The following TBL1XR1 variants were observed in gnomAD, a reference collection of about 807,000 sequenced individuals.
TBL1XR1 encodes the protein TBL1X/Y related 1, also known as F-box-like/WD repeat-containing protein TBL1XR1.
TBL1XR1 carries 5 observed loss-of-function variants against 66.9 expected under a neutral mutation model. That is an observed-to-expected ratio of 0.07 (90% CI 0.04 to 0.16). The LOEUF (loss-of-function observed/expected upper bound fraction) is 0.16. TBL1XR1 is among the 10% of genes least tolerant of loss of function. TBL1XR1 has a pLI of 1.00. For missense variants in TBL1XR1, 238 were observed against 623.2 expected (o/e 0.38, Z 6.58); for synonymous variants, 210 against 206.0 (o/e 1.02, Z -0.17).
At chr3:177,198,947 ATAAGT>A (rs1472951562), upstream of TBL1XR1, among the ~76,000 whole-genome samples, 1 of 151,964 alleles carries the variant, frequency 6.6e-6, no homozygotes, top group Non-Finnish European at 1.5e-5. Flanking sequence ...TGGTGGCCTA[ATAAGT>A]TCAGTAATTA....
chr3:177,181,834 A>AC (rs1485937085), intron 1 of TBL1XR1, among the ~76,000 whole-genome samples: 15 of 118,704 alleles, frequency 1.3e-4, no homozygotes, highest in African/African-American at 1.8e-4. Context: ...AAAAAAAAAA[A>AC]AAACACACAC....
intron 2 of TBL1XR1, among the ~76,000 whole-genome samples, chr3:177,085,861 G>A (rs779620873): frequency 2.4e-4 from 37 of 152,060 alleles, no homozygotes; most frequent in Admixed American, 1.3e-4. Flanking sequence ...AAACTCTCAC[G>A]ATTCACCTCT....
intron 2 of TBL1XR1, among the ~76,000 whole-genome samples, chr3:177,096,971 AGAG>A (rs1299955311): frequency 1.3e-5 from 2 of 152,192 alleles, no homozygotes; most frequent in Admixed American, 6.5e-5. Flanking sequence ...AGCAGGATGC[AGAG>A]GAGGAGAACA....
upstream of TBL1XR1, among the ~76,000 whole-genome samples, chr3:177,199,850 C>T (rs1354622964): frequency 2.0e-5 from 3 of 152,096 alleles, no homozygotes; most frequent in African/African-American, 4.8e-5. Context: ...CATTTCTGTG[C>T]GTAAATGACT....
At chr3:177,172,568 C>G (rs1733659754) in intron 1 of TBL1XR1, among the ~76,000 whole-genome samples, 1 of 147,360 alleles carries the variant, frequency 6.8e-6, no homozygotes, top group African/African-American at 2.5e-5. Flanking sequence ...GGTTAGTGAG[C>G]CATAATCGTA....
chr3:177,025,719 A>G (rs763684733), intron 15 of TBL1XR1, among the ~76,000 whole-genome samples, 195 bp from the exon 16 acceptor site: 38 of 152,158 alleles, frequency 2.5e-4, no homozygotes, highest in Non-Finnish European at 4.3e-4. Flanking sequence ...GAGAACAACC[A>G]TGAGCTCAAA....
intron 10 of TBL1XR1, among the ~76,000 whole-genome samples, chr3:177,040,749 C>T (rs1340528882): frequency 6.6e-6 from 1 of 151,266 alleles, no homozygotes; most frequent in Non-Finnish European, 1.5e-5. Context: ...TACTAAAGAA[C>T]AAAGAAGCGA....
intron 1 of TBL1XR1, among the ~76,000 whole-genome samples, chr3:177,105,014 A>C (rs1724697419): frequency 6.6e-6 from 1 of 152,226 alleles, no homozygotes; most frequent in South Asian, 2.1e-4. Flanking sequence ...CAAGTGTATT[A>C]CTTAGGCACT....
intron 1 of TBL1XR1, among the ~76,000 whole-genome samples, chr3:177,188,457 G>C (rs1735708626): frequency 6.6e-6 from 1 of 152,118 alleles, no homozygotes; most frequent in South Asian, 2.1e-4. Flanking sequence ...TGAGGCAGGA[G>C]AACTGCTTGA....
At chr3:177,085,232 G>A (rs1309005974) in intron 2 of TBL1XR1, among the ~76,000 whole-genome samples, 5 of 152,104 alleles carry the variant, frequency 3.3e-5, no homozygotes, top group Admixed American at 1.3e-4. Flanking sequence ...CACTACAAAG[G>A]TCTTGAGAAC....
intron 3 of TBL1XR1, among the ~76,000 whole-genome samples, chr3:177,058,696 T>C (rs1188569343): frequency 6.6e-6 from 1 of 152,206 alleles, no homozygotes; most frequent in Non-Finnish European, 1.5e-5. Flanking sequence ...CATTGCCAAA[T>C]TGCTTTCCAA....
rs534753217 is a variant in TBL1XR1 at position 177,109,167 on chromosome 3, A to T, written c.-121-10626T>A. Among the ~76,000 whole-genome samples the T allele has an allele frequency of 3.3e-5, 5 of 152,332 alleles. No individual in the cohort carries two copies. In the South Asian group the frequency reaches 1.0e-3, roughly 32 times the overall value. On this transcript the variant is annotated intron_variant, in intron 1 of 15. Transcript: ENST00000457928. Reference sequence around the variant, plus strand: ...TGTAATTAATTTTTAAAAACAAGTTAATATATAAACAAAATTACATTTAAA... The same window carrying T: ...TGTAATTAATTTTTAAAAACAAGTTTATATATAAACAAAATTACATTTAAA...
chr3:177,084,082 C>T (rs1245547021), intron 2 of TBL1XR1, among the ~76,000 whole-genome samples: 5 of 124,282 alleles, frequency 4.0e-5, no homozygotes, highest in African/African-American at 6.1e-5. Context: ...GGCGAGACTC[C>T]GTCTCAAAAA....
intron 1 of TBL1XR1, among the ~76,000 whole-genome samples, chr3:177,151,006 T>G (rs1031055663): frequency 6.6e-6 from 1 of 152,240 alleles, no homozygotes; most frequent in Admixed American, 6.5e-5. Flanking sequence ...TATACTTGTT[T>G]CTGAGGTAGC....
chr3:177,182,433 CAATT>C (rs1441359232), intron 1 of TBL1XR1, among the ~76,000 whole-genome samples: 2 of 152,076 alleles, frequency 1.3e-5, no homozygotes, highest in African/African-American at 4.8e-5. Flanking sequence ...GTTCTAAGGA[CAATT>C]AATTTGTGAA....
intron 12 of TBL1XR1, 58 bp downstream of exon 12, chr3:177,038,040 C>A (rs1715063823): frequency 3.3e-6 from 5 of 1,502,384 alleles, no homozygotes; most frequent in Non-Finnish European, 4.6e-6. Context: ...CTTAAAATGG[C>A]CAGAGCAACC....
chr3:177,185,637 T>C (rs1735315177), intron 1 of TBL1XR1, among the ~76,000 whole-genome samples: 3 of 152,096 alleles, frequency 2.0e-5, no homozygotes, highest in Admixed American at 2.0e-4. Context: ...TTCTGACCCT[T>C]TGTCTTTTCA....
intron 1 of TBL1XR1, among the ~76,000 whole-genome samples, chr3:177,121,482 C>T (rs1041712712): frequency 6.6e-6 from 1 of 152,158 alleles, no homozygotes; most frequent in Admixed American, 6.5e-5. Context: ...CCCAATTTGA[C>T]TTCACACGCA....
intron 1 of TBL1XR1, among the ~76,000 whole-genome samples, chr3:177,123,804 A>ATT (rs201542739): frequency 3.9e-5 from 1 of 25,940 alleles, no homozygotes; most frequent in African/African-American, 1.7e-4. Context: ...TGAACAATCT[A>ATT]CTCAAGTGGA....
Sources: allele counts gnomAD v4.1 joint callset (sites outside exome capture counted in the v4.1 genomes callset), GRCh38; gene constraint gnomAD v4.1.1; transcripts MANE v1.5; gene names NCBI Gene and HGNC (gene_info 2026-07-23, HGNC 2026-07-21).